Variants in MARCHF4 observed in about 807,000 individuals in gnomAD.
The protein encoded by MARCHF4 is membrane associated ring-CH-type finger 4.
MARCHF4 carries 14 observed loss-of-function variants against 43.9 expected under a neutral mutation model. The ratio of observed to expected loss-of-function variants is 0.32; its 90% CI spans 0.21 to 0.50. The LOEUF (loss-of-function observed/expected upper bound fraction) is 0.50, where lower values mean the gene tolerates loss of function less well. MARCHF4 is among the 20% of genes least tolerant of loss of function. MARCHF4 has a pLI of 0.98. For synonymous variants in MARCHF4, 226 were observed against 213.3 expected, an observed-to-expected ratio of 1.06 and a Z score of -0.52; for missense variants, 468 against 536.7, an observed-to-expected ratio of 0.87 and a Z score of 1.27.
At chr2:216,316,859 G>A (rs1691785591) in intron 1 of MARCHF4, among the ~76,000 whole-genome samples, 1 of 152,114 alleles carries the variant, frequency 6.6e-6, no homozygotes, top group South Asian at 2.1e-4. Context: ...CTGGCATAAG[G>A]GATGAGGAGA....
At chr2:216,330,095 T>TA (rs796612385) in intron 1 of MARCHF4, among the ~76,000 whole-genome samples, 3,623 of 143,744 alleles carry the variant, frequency 0.025, 128 homozygotes, top group African/African-American at 0.084. Flanking sequence ...TCTGCCTCAT[T>TA]AAAAAAAAAA....
Position 216,357,241 on chromosome 2 carries a change from A to G in MARCHF4, c.516+12504T>C, listed in dbSNP as rs149757113. ...GTCCAGAATACAATCCAGATTATAC[A>G]TTGTATTTAATTGTTATATCACCTT... On this transcript the variant is annotated intron_variant, in intron 1 of 3. Transcript: ENST00000273067. 6.4e-3 allele frequency among the ~76,000 whole-genome samples: 972 copies of G among 152,262 alleles called. 8 individuals are homozygous for G. The highest frequency in any genetic ancestry group is 0.022 in the African/African-American group (914 of 41,536).
chr2:216,365,867 C>T (rs1221441539), intron 1 of MARCHF4, among the ~76,000 whole-genome samples: 1 of 152,140 alleles, frequency 6.6e-6, no homozygotes, highest in East Asian at 1.9e-4. Context: ...CCACATCTAC[C>T]CTATGTCTCT....
At chr2:216,331,150 A>T (rs999074171) in intron 1 of MARCHF4, among the ~76,000 whole-genome samples, 3 of 152,146 alleles carry the variant, frequency 2.0e-5, no homozygotes, top group African/African-American at 7.2e-5. Context: ...AAAAGAGGAA[A>T]AGCACAAATT....
At chr2:216,298,174 T>G (rs1194693907) in intron 1 of MARCHF4, among the ~76,000 whole-genome samples, 2 of 151,790 alleles carry the variant, frequency 1.3e-5, no homozygotes, top group East Asian at 3.9e-4. Flanking sequence ...CCCTGAAAAG[T>G]TCTATTTTTA....
At chr2:216,302,123 C>T (rs562527968) in intron 1 of MARCHF4, among the ~76,000 whole-genome samples, 1 of 152,196 alleles carries the variant, frequency 6.6e-6, no homozygotes, top group Non-Finnish European at 1.5e-5. Flanking sequence ...GCAGTAAACT[C>T]TACTTCATTA....
rs111332036 is a variant in MARCHF4 at position 216,319,222 on chromosome 2, C to T, written c.517-35493G>A. On this transcript the variant is annotated intron_variant, in intron 1 of 3. Transcript: ENST00000273067. The stretch of plus-strand genomic sequence containing the variant: ...ATTTGGGAGGATGAGGCAGGAGAAT[C>T]GCTTAAACCCAAGAAGCAGAGATTG... Among the ~76,000 whole-genome samples the T allele has an allele frequency of 7.1e-3, 1,073 of 152,178 alleles. 12 individuals carry two copies. The highest frequency in any genetic ancestry group is 0.024 in the African/African-American group (1,016 of 41,504).
chr2:216,315,175 G>A (rs1691755214), intron 1 of MARCHF4, among the ~76,000 whole-genome samples: 1 of 152,080 alleles, frequency 6.6e-6, no homozygotes, highest in Non-Finnish European at 1.5e-5. Flanking sequence ...AATAAATATT[G>A]GAAATCTTCT....
intron 1 of MARCHF4, among the ~76,000 whole-genome samples, chr2:216,345,686 C>T (rs181013150): frequency 3.0e-4 from 45 of 152,292 alleles, no homozygotes; most frequent in Non-Finnish European, 1.2e-4. Flanking sequence ...CCACTGACCC[C>T]TTTGCTGCTC....
At chr2:216,354,907 C>T (rs1479102116) in intron 1 of MARCHF4, among the ~76,000 whole-genome samples, 1 of 68,186 alleles carries the variant, frequency 1.5e-5, no homozygotes, top group Non-Finnish European at 2.7e-5. Context: ...TTCTTTCTTT[C>T]TTTCTTTCTT....
intron 1 of MARCHF4, among the ~76,000 whole-genome samples, chr2:216,324,542 T>C (rs1302003879): frequency 6.6e-6 from 1 of 152,086 alleles, no homozygotes; most frequent in South Asian, 2.1e-4. Context: ...ATATCCTTGA[T>C]GAACATCGAT....
At chr2:216,263,731 G>T (rs909577801) in intron 3 of MARCHF4, among the ~76,000 whole-genome samples, 1 of 152,102 alleles carries the variant, frequency 6.6e-6, no homozygotes, top group Non-Finnish European at 1.5e-5. Context: ...AAGAACAGCC[G>T]CCACCAGTGT....
intron 1 of MARCHF4, among the ~76,000 whole-genome samples, chr2:216,305,006 G>T (rs1457483586): frequency 9.2e-5 from 14 of 152,068 alleles, no homozygotes. Flanking sequence ...AATTCAGCAT[G>T]CAAGCATCCC....
Position 216,283,283 on chromosome 2 carries a change from CACTT to C in MARCHF4, c.672+287_672+290del, listed in dbSNP as rs1691161542. Among the ~76,000 whole-genome samples, 3 of 152,072 alleles carry C rather than the reference CACTT, an allele frequency of 2.0e-5. No individual in the cohort carries two copies. In the South Asian group the frequency reaches 6.2e-4, roughly 32 times the overall value. ...TTCTGCATTCATTTATTCATCCTTT[CACTT>C]ACTTATTCTCCCTTTTCCCTCTGAT... On this transcript the variant is annotated intron_variant, in intron 2 of 3. Transcript: ENST00000273067.
At position 216,369,983 on chromosome 2, in the gene MARCHF4, G is replaced by A. The variant is rs1185802528; in HGVS notation, c.278C>T (p.Pro93Leu). ...GGGCTCCCTGCCCACCACTTCTCGG[G>A]GGCCCCTCCAGCCTGCCCACCCCCC... ...GAGGWAGWRG[P>L]REVVGREPPP... The change falls in exon 1 of 4, where the codon CCC (proline) becomes CTC (leucine). Residue 93 changes from proline (P) to leucine (L), a missense_variant. Physicochemically the swap from Pro to Leu is moderately conservative, Grantham distance 98 (BLOSUM62 -3). Around this residue, in one of 3 missense-constraint regions of MARCHF4, gnomAD observed 190 missense variants for 158.5 expected, o/e 1.20. Coordinates refer to ENST00000273067, the MANE Select transcript of MARCHF4 (RefSeq NM_020814.3). 3.2e-6 allele frequency: 5 copies of A among 1,550,698 alleles called. No individual in the cohort carries two copies. The highest frequency in any genetic ancestry group is 1.4e-5 in the African/African-American group (1 of 73,378).
At chr2:216,269,687 A>C (rs1690902573) in intron 3 of MARCHF4, among the ~76,000 whole-genome samples, 1 of 152,194 alleles carries the variant, frequency 6.6e-6, no homozygotes, top group South Asian at 2.1e-4. Context: ...CATTTGCCAC[A>C]GTGCTCAAAC....
Position 216,261,168 on chromosome 2 carries a change from C to T in MARCHF4, c.866-1489G>A, listed in dbSNP as rs533925201. Among the ~76,000 whole-genome samples the T allele has an allele frequency of 9.6e-4, 146 of 152,218 alleles. 1 individual carries two copies. The highest frequency in any genetic ancestry group is 3.3e-3 in the African/African-American group (139 of 41,538). On this transcript the variant is annotated intron_variant, in intron 3 of 3. Transcript: ENST00000273067. Reference sequence around the variant, plus strand: ...ACATCTAGTAGCTTAAAATGGGATGCATGTTTCTCTTACAGTTCTGGAGAT... The same window carrying T: ...ACATCTAGTAGCTTAAAATGGGATGTATGTTTCTCTTACAGTTCTGGAGAT...
rs2106079742 is a variant in MARCHF4, at chr2:216,259,181, AC to A, written c.*130del. ...CCAGCCTCACTCCCGCTCTGACACTACCCCAGGGCTCCCGCCAGGTCCCCCA... is the reference window on the plus strand; with the variant it reads ...CCAGCCTCACTCCCGCTCTGACACTACCCAGGGCTCCCGCCAGGTCCCCCA... On this transcript the variant is annotated 3_prime_UTR_variant, in exon 4 of 4. Coordinates refer to ENST00000273067, the MANE Select transcript of MARCHF4 (RefSeq NM_020814.3). The A allele has an allele frequency of 1.5e-6, 2 of 1,372,092 alleles. No homozygotes were observed. The highest frequency in any genetic ancestry group is 1.4e-5 in the African/African-American group (1 of 69,316). The allele number at this position is 1,372,092 out of a possible 1,614,324, so 85.0% of individuals were successfully genotyped here.
chr2:216,367,818 T>A (rs1574490008), intron 1 of MARCHF4, among the ~76,000 whole-genome samples: 2 of 152,336 alleles, frequency 1.3e-5, no homozygotes, highest in East Asian at 3.9e-4. Flanking sequence ...TTTTTTTCTT[T>A]TTCTTTTTTC....
Sources: gnomAD v4.1 joint callset for allele counts (sites outside exome capture counted in the v4.1 genomes callset) on GRCh38, gnomAD v4.1.1 for gene constraint, gnomAD v4.1.1 regional missense constraint, MANE v1.5 for transcripts, NCBI Gene and HGNC (gene_info 2026-07-23, HGNC 2026-07-21) for gene names.